Variants in TENM3 observed in about 807,000 individuals in gnomAD.
The protein encoded by TENM3 is teneurin transmembrane protein 3.
In TENM3, 63 loss-of-function variants were observed where a neutral mutation model predicts 255.1. The ratio of observed to expected loss-of-function variants is 0.25; its 90% CI spans 0.20 to 0.30. TENM3 has a LOEUF of 0.30. TENM3 is among the 10% of genes least tolerant of loss of function. The pLI is 1.00. For missense variants in TENM3, 2,929 were observed against 3,461.1 expected, an observed-to-expected ratio of 0.85 and a Z score of 3.86; for synonymous variants, 1,306 against 1,322.3, an observed-to-expected ratio of 0.99 and a Z score of 0.27.
upstream of TENM3, chr4:182,144,589 T>TCCCCGC (rs1261470247): frequency 2.1e-5 from 3 of 145,566 alleles, no homozygotes; most frequent in African/African-American, 7.6e-5. Context: ...TCGCGCCCCC[T>TCCCCGC]CCCCGCCCCC....
At chr4:182,229,716 AC>A (rs148771387) in intron 1 of TENM3, among the ~76,000 whole-genome samples, 5,562 of 152,224 alleles carry the variant, frequency 0.037, 134 homozygotes, top group Middle Eastern at 0.068. Flanking sequence ...AGAAGATCAA[AC>A]CCCAACTACA....
chr4:181,979,526 G>A, the TENM3 span, among the ~76,000 whole-genome samples: 95 of 152,280 alleles, frequency 6.2e-4, 1 homozygote, highest in East Asian at 0.016. Context: ...GCGGAGAGGT[G>A]AAACCTTGAT....
At chr4:182,104,341 CTCT>C in the TENM3 span, among the ~76,000 whole-genome samples, 1 of 152,102 alleles carries the variant, frequency 6.6e-6, no homozygotes, top group African/African-American at 2.4e-5. Flanking sequence ...GCCACCTCCA[CTCT>C]TCTTTGGTAA....
intron 1 of TENM3, among the ~76,000 whole-genome samples, chr4:182,320,081 C>G (rs550081347): frequency 2.7e-5 from 4 of 150,532 alleles, no homozygotes; most frequent in African/African-American, 9.8e-5. Context: ...CCAGTGCAAT[C>G]CAGCCTGAGT....
At chr4:182,541,541 C>T (rs1012259329) in intron 3 of TENM3, among the ~76,000 whole-genome samples, 9 of 152,114 alleles carry the variant, frequency 5.9e-5, no homozygotes, top group African/African-American at 2.2e-4. Flanking sequence ...TCTATTGAAT[C>T]CATGCTATTT....
chr4:181,805,548 G>C, the TENM3 span, among the ~76,000 whole-genome samples: 1 of 152,044 alleles, frequency 6.6e-6, no homozygotes, highest in Middle Eastern at 3.4e-3. Context: ...GAGTTTCTAT[G>C]TTCTCAACGT....
chr4:182,451,135 T>C (rs1310864071), intron 3 of TENM3, among the ~76,000 whole-genome samples: 5 of 152,202 alleles, frequency 3.3e-5, no homozygotes, highest in African/African-American at 7.2e-5. Context: ...TCAAATGATA[T>C]TCTTGTTATT....
chr4:182,453,124 T>C (rs1011333), intron 3 of TENM3, among the ~76,000 whole-genome samples: 30,229 of 152,074 alleles, frequency 0.2, 3,282 homozygotes, highest in Non-Finnish European at 0.24. Context: ...GTTTATACAT[T>C]GATTTTTGTT....
At chr4:182,193,318 C>T (rs1225033223) in intron 1 of TENM3, among the ~76,000 whole-genome samples, 1 of 152,080 alleles carries the variant, frequency 6.6e-6, no homozygotes, top group African/African-American at 2.4e-5. Flanking sequence ...CTCCTTTGCC[C>T]GTTATATGTT....
chr4:182,114,681 G>C, the TENM3 span, among the ~76,000 whole-genome samples: 1 of 152,146 alleles, frequency 6.6e-6, no homozygotes, highest in Non-Finnish European at 1.5e-5. Flanking sequence ...CTTTAGTTGA[G>C]TTAGAGCCAG....
chr4:182,315,139 C>T (rs970109631), intron 1 of TENM3, among the ~76,000 whole-genome samples: 10 of 152,254 alleles, frequency 6.6e-5, no homozygotes, highest in Non-Finnish European at 1.2e-4. Context: ...TACACGGCTA[C>T]GATGATTGCT....
Position 182,754,294 on chromosome 4 carries a change from G to T in TENM3, c.4018-91G>T, listed in dbSNP as rs1762567856. The T allele has an allele frequency of 7.5e-7, 1 of 1,336,510 alleles. No individual in the cohort carries two copies. Among genetic ancestry groups the T allele is most frequent in the East Asian group, 2.5e-5 (1 of 39,554 alleles). 82.8% of individuals were successfully genotyped at this position (1,336,510 alleles called of 1,614,324 possible). ...ATCAGACAGTTTATCTCAGATTAAT[G>T]CCAATTTCCCTGAATGGTCTAATTT... On this transcript the variant is annotated intron_variant, in intron 21 of 27. Coordinates refer to ENST00000511685, the MANE Select transcript of TENM3 (RefSeq NM_001080477.4). The surrounding 1 kb of genome is among the most constrained non-coding windows in gnomAD (Gnocchi z 5.1).
the TENM3 span, among the ~76,000 whole-genome samples, chr4:181,882,398 A>G: frequency 4.6e-5 from 7 of 152,200 alleles, no homozygotes; most frequent in East Asian, 1.9e-4. Context: ...TATTTTCTCA[A>G]TGTTGGAACT....
chr4:181,667,941 T>C, the TENM3 span, among the ~76,000 whole-genome samples: 2 of 152,152 alleles, frequency 1.3e-5, no homozygotes, highest in Non-Finnish European at 2.9e-5. Context: ...ATTTTACTGA[T>C]GTTGGTCTTA....
At chr4:181,694,997 T>A in the TENM3 span, among the ~76,000 whole-genome samples, 2 of 118,342 alleles carry the variant, frequency 1.7e-5, no homozygotes, top group African/African-American at 5.0e-5. Context: ...AAGATTTTGT[T>A]GGATTAATTT....
intron 3 of TENM3, among the ~76,000 whole-genome samples, chr4:182,448,262 G>C (rs529971695): frequency 6.6e-6 from 1 of 152,210 alleles, no homozygotes. Flanking sequence ...AGAGGCGGTG[G>C]CCGAGGCCCA....
chr4:182,398,754 G>T (rs1002099942), intron 3 of TENM3, among the ~76,000 whole-genome samples: 19 of 152,196 alleles, frequency 1.2e-4, no homozygotes. Flanking sequence ...CAAAAGCTAA[G>T]TGTCTCTCTT....
intron 1 of TENM3, among the ~76,000 whole-genome samples, chr4:182,148,016 T>C (rs945761670): frequency 9.9e-5 from 15 of 152,088 alleles, no homozygotes; most frequent in Admixed American, 6.6e-5. Flanking sequence ...ATTTTGTGCT[T>C]CAAAATAAAA....
upstream of TENM3, chr4:182,141,387 C>T (rs1335168364): frequency 6.6e-6 from 1 of 152,292 alleles, no homozygotes; most frequent in Non-Finnish European, 1.5e-5. Flanking sequence ...AGCGAGCTGC[C>T]TCTCTGCTTT....
Sources: gnomAD v4.1 joint callset for allele counts (sites outside exome capture counted in the v4.1 genomes callset) on GRCh38, gnomAD v4.1.1 for gene constraint, Gnocchi (gnomAD v3.1) non-coding constraint, MANE v1.5 for transcripts, NCBI Gene and HGNC (gene_info 2026-07-23, HGNC 2026-07-21) for gene names.